Variants in EFNA5 observed in about 807,000 individuals in gnomAD.
EFNA5 encodes ephrin-A5.
A neutral mutation model predicts 22.9 loss-of-function variants in EFNA5; 5 were observed. The ratio of observed to expected loss-of-function variants is 0.22; its 90% CI spans 0.11 to 0.46. EFNA5 has a LOEUF of 0.46. EFNA5 is among the 20% of genes least tolerant of loss of function. The pLI is 0.99. For missense variants in EFNA5, 237 were observed against 293.3 expected (o/e 0.81, Z 1.40); for synonymous variants, 113 against 112.2 (o/e 1.01, Z -0.04).
intron 1 of EFNA5, among the ~76,000 whole-genome samples, chr5:107,553,392 C>T (rs1748340918): frequency 6.6e-6 from 1 of 152,216 alleles, no homozygotes; most frequent in African/African-American, 2.4e-5. Flanking sequence ...CCACCACCGC[C>T]CCACCATCCA....
chr5:107,537,875 G>C (rs888277145), intron 1 of EFNA5, among the ~76,000 whole-genome samples: 1 of 152,184 alleles, frequency 6.6e-6, no homozygotes, highest in African/African-American at 2.4e-5. Flanking sequence ...TTGTAAGCTA[G>C]TTATGGAAAG....
chr5:107,387,166 A>C (rs1747647725), intron 4 of EFNA5, 69 bp downstream of exon 4: 2 of 1,144,086 alleles, frequency 1.7e-6, no homozygotes, highest in Admixed American at 2.2e-5. Context: ...AGAAGAAGAA[A>C]GGAAAAAAAT....
At chr5:107,632,858 C>A (rs1040458445) in intron 1 of EFNA5, among the ~76,000 whole-genome samples, 2 of 152,098 alleles carry the variant, frequency 1.3e-5, no homozygotes, top group East Asian at 3.8e-4. Context: ...TACTAATGCA[C>A]CCCAAAATAT....
At chr5:107,415,487 T>C (rs1748479673) in intron 2 of EFNA5, among the ~76,000 whole-genome samples, 4 of 152,158 alleles carry the variant, frequency 2.6e-5, no homozygotes. Context: ...TCTGATTCCT[T>C]ATCAGGAGAG....
chr5:107,490,784 A>G (rs1315631679), intron 1 of EFNA5, among the ~76,000 whole-genome samples: 2 of 152,204 alleles, frequency 1.3e-5, no homozygotes, highest in Non-Finnish European at 2.9e-5. Flanking sequence ...CTCTTTACTT[A>G]CTGTGTCACC....
intron 1 of EFNA5, among the ~76,000 whole-genome samples, chr5:107,644,462 A>C (rs1260437336): frequency 2.0e-5 from 3 of 152,250 alleles, no homozygotes; most frequent in Non-Finnish European, 4.4e-5. Context: ...AGGCTCATTA[A>C]ACAGAAAAAA....
At chr5:107,620,325 G>A (rs1040599285) in intron 1 of EFNA5, among the ~76,000 whole-genome samples, 6 of 152,122 alleles carry the variant, frequency 3.9e-5, no homozygotes, top group Non-Finnish European at 5.9e-5. Flanking sequence ...TATTTGTACC[G>A]TAAATTACCA....
At chr5:107,456,965 C>G (rs557348674) in intron 1 of EFNA5, among the ~76,000 whole-genome samples, 1 of 152,106 alleles carries the variant, frequency 6.6e-6, no homozygotes, top group Non-Finnish European at 1.5e-5. Context: ...CTTCCCTTCA[C>G]GCTTACTGTT....
chr5:107,534,752 G>A (rs995109039), intron 1 of EFNA5, among the ~76,000 whole-genome samples: 4 of 152,180 alleles, frequency 2.6e-5, no homozygotes, highest in Non-Finnish European at 5.9e-5. Flanking sequence ...AACAGTGTAT[G>A]TGAGCTCCCC....
intron 1 of EFNA5, among the ~76,000 whole-genome samples, chr5:107,460,325 G>A (rs75029418): frequency 0.014 from 2,180 of 152,030 alleles, 24 homozygotes; most frequent in Non-Finnish European, 0.023. Context: ...AAGGATTATC[G>A]GCCCTAACCA....
chr5:107,612,741 G>A lies in EFNA5; in HGVS notation c.125+57748C>T, dbSNP rs554956176. On this transcript the variant is annotated intron_variant, in intron 1 of 4. Coordinates refer to ENST00000333274, the MANE Select transcript of EFNA5 (RefSeq NM_001962.3). ...TAAAGACCAGGGTTGTGATATTCCC[G>A]TCAGTCACTGTATTAATACAGGGAA... Among the ~76,000 whole-genome samples the A allele has an allele frequency of 9.9e-4, 151 of 152,202 alleles. 5 individuals carry two copies. In the South Asian group the frequency reaches 0.026, roughly 27 times the overall value.
At chr5:107,494,211 C>T (rs1216478268) in intron 1 of EFNA5, among the ~76,000 whole-genome samples, 2 of 152,130 alleles carry the variant, frequency 1.3e-5, no homozygotes, top group Non-Finnish European at 2.9e-5. Flanking sequence ...TGGCCAAGAC[C>T]GGAGCCCGCT....
chr5:107,600,099 T>C (rs1203909621), intron 1 of EFNA5, among the ~76,000 whole-genome samples: 1 of 152,220 alleles, frequency 6.6e-6, no homozygotes, highest in Non-Finnish European at 1.5e-5. Context: ...AGATATTGAA[T>C]ATGACTGATC....
rs1055136173 is a variant in EFNA5, at chr5:107,542,621, A to G, written c.126-115112T>C. ...GGTCATGCCTTCTCTGCCGGCAAAT[A>G]TGATTAATGTGTGTACAGGGAGGAG... On this transcript the variant is annotated intron_variant, in intron 1 of 4. Coordinates refer to ENST00000333274, the MANE Select transcript of EFNA5 (RefSeq NM_001962.3). Among the ~76,000 whole-genome samples the G allele has an allele frequency of 7.9e-5, 12 of 151,958 alleles. No individual in the cohort carries two copies. The South Asian group carries it at 2.1e-3, about 26-fold the overall frequency.
chr5:107,628,482 T>C (rs867888905), intron 1 of EFNA5, among the ~76,000 whole-genome samples: 62 of 152,312 alleles, frequency 4.1e-4, no homozygotes, highest in African/African-American at 1.5e-3. Context: ...CCATTCATTA[T>C]GAAAATTTGT....
In EFNA5 at chr5:107,538,705, A is replaced by G. The variant is rs922647033; in HGVS notation, c.126-111196T>C. Among the ~76,000 whole-genome samples the G allele has an allele frequency of 2.0e-5, 3 of 152,242 alleles. No individual in the cohort carries two copies. In the East Asian group the frequency reaches 5.8e-4, roughly 29 times the overall value. On this transcript the variant is annotated intron_variant, in intron 1 of 4. Transcript: ENST00000333274. ...GAGATACAAATTTCACCAGGAATGT[A>G]GAGCAGGCATAGAAGATTCAAGAAG...
At chr5:107,391,067 G>C (rs1321236772) in intron 2 of EFNA5, among the ~76,000 whole-genome samples, 1 of 152,218 alleles carries the variant, frequency 6.6e-6, no homozygotes, top group East Asian at 1.9e-4. Context: ...GCTAATGCAT[G>C]AGAATTGCTT....
chr5:107,532,943 T>C (rs1747848172), intron 1 of EFNA5, among the ~76,000 whole-genome samples: 1 of 152,208 alleles, frequency 6.6e-6, no homozygotes, highest in Non-Finnish European at 1.5e-5. Context: ...TTGTCTGCTT[T>C]GTGCACAGAT....
chr5:107,514,781 C>G (rs1747441908), intron 1 of EFNA5, among the ~76,000 whole-genome samples: 1 of 152,176 alleles, frequency 6.6e-6, no homozygotes, highest in Non-Finnish European at 1.5e-5. Context: ...TCCTACGTGA[C>G]CTGCCTCCCG....
Sources: gnomAD v4.1 joint callset for allele counts (sites outside exome capture counted in the v4.1 genomes callset) on GRCh38, gnomAD v4.1.1 for gene constraint, MANE v1.5 for transcripts, NCBI Gene and HGNC (gene_info 2026-07-23, HGNC 2026-07-21) for gene names.